The following ANKRD17 variants were observed in gnomAD, a reference collection of about 807,000 sequenced individuals.
ANKRD17 encodes ankyrin repeat domain 17, also known as ankyrin repeat domain-containing protein 17.
In ANKRD17, 19 loss-of-function variants were observed where a neutral mutation model predicts 229.7. The ratio of observed to expected loss-of-function variants is 0.08; its 90% CI spans 0.06 to 0.12. ANKRD17 has a LOEUF of 0.12. Among genes scored for constraint, ANKRD17 ranks in the 10% least tolerant of loss-of-function variants. The pLI is 1.00. For synonymous variants in ANKRD17, 1,112 were observed against 1,146.1 expected (o/e 0.97, Z 0.60); for missense variants, 2,176 against 3,176.8 (o/e 0.68, Z 7.57).
rs376714562 is a variant in ANKRD17, at chr4:73,092,423, TACAA to T, written c.5328-127_5328-124del. 5.8e-4 allele frequency: 439 copies of T among 750,526 alleles called. 3 individuals carry two copies. The highest frequency in any genetic ancestry group is 5.3e-3 in the African/African-American group (297 of 56,448). The allele number at this position is 750,526 out of a possible 1,614,324, so 46.5% of individuals were successfully genotyped here. ...TTTTGTGTGTATATACATACACACATACAAACAAAGGACAGATAACAAAAGCTGG... is the reference window on the plus strand; with the variant it reads ...TTTTGTGTGTATATACATACACACATACAAAGGACAGATAACAAAAGCTGG... On this transcript the variant is annotated intron_variant, in intron 28 of 33. Coordinates refer to ENST00000358602, the MANE Select transcript of ANKRD17 (RefSeq NM_032217.5).
chr4:73,190,189 C>T (rs952702290), intron 1 of ANKRD17, among the ~76,000 whole-genome samples: 4 of 151,814 alleles, frequency 2.6e-5, no homozygotes, highest in South Asian at 2.1e-4. Flanking sequence ...GCTAACATGG[C>T]GAAATCTTGT....
intron 1 of ANKRD17, among the ~76,000 whole-genome samples, chr4:73,191,143 A>G (rs756694277): frequency 1.3e-5 from 2 of 152,176 alleles, no homozygotes; most frequent in Non-Finnish European, 2.9e-5. Context: ...GGGATGCCCT[A>G]CCAGATGTCA....
rs368988558 is a variant in ANKRD17, at chr4:73,146,865, C to T, written c.1768G>A (p.Val590Ile). 1.2e-6 allele frequency: 2 copies of T among 1,611,418 alleles called. No homozygotes were observed. The highest frequency in any genetic ancestry group is 1.7e-6 in the Non-Finnish European group (2 of 1,178,202). The change falls in exon 10 of 34, where the codon GTT becomes ATT. Residue 590 changes from valine (V) to isoleucine (I), a missense_variant. Coordinates refer to ENST00000358602, the MANE Select transcript of ANKRD17 (RefSeq NM_032217.5). ...VKYLLAAGAN[V>I]HATTATGDTA... is the part of the protein sequence containing the mutation. ...TCCCCTGTTGCTGTTGTTGCATGAACGTTAGCTCCTGTAGTAGTCAACAAA... is the reference window on the plus strand; with the variant it reads ...TCCCCTGTTGCTGTTGTTGCATGAATGTTAGCTCCTGTAGTAGTCAACAAA...
Position 73,098,379 on chromosome 4 carries a change from C to T in ANKRD17, c.4715G>A (p.Arg1572Lys). ...GTTTTCTGGAGTAATTTTATTTTTCCTGTTTTTCCTCTTTGAACTGGTTGT... is the reference window on the plus strand; with the variant it reads ...GTTTTCTGGAGTAATTTTATTTTTCTTGTTTTTCCTCTTTGAACTGGTTGT... ...ITTTSSKRKN[R>K]KNKITPENVQ... Residue 1572 changes from arginine (R) to lysine (K), a missense_variant, in exon 26 of 34, where the codon AGG becomes AAG. This residue lies in a region of ANKRD17 where 105 missense variants were observed against 118.3 expected (regional missense o/e 0.89). Coordinates refer to ENST00000358602, the MANE Select transcript of ANKRD17 (RefSeq NM_032217.5). The T allele has an allele frequency of 6.2e-7, 1 of 1,614,148 alleles. No homozygotes were observed. The highest frequency in any genetic ancestry group is 8.5e-7 in the Non-Finnish European group (1 of 1,180,026).
chr4:73,154,257 C>G, intron 5 of ANKRD17, 144 bp from the exon 6 acceptor site: 1 of 374,212 alleles, frequency 2.7e-6, no homozygotes, highest in Non-Finnish European at 4.4e-6. Context: ...AAATATATAT[C>G]TATATATAAA....
At chr4:73,166,758 A>AG (rs1455727467) in intron 2 of ANKRD17, among the ~76,000 whole-genome samples, 1 of 135,614 alleles carries the variant, frequency 7.4e-6, no homozygotes, top group East Asian at 2.0e-4. Context: ...ACAAATAAAT[A>AG]GAAAAAAAAA....
At position 73,144,333 on chromosome 4, in the gene ANKRD17, T is replaced by G. The variant is rs188774312; in HGVS notation, c.1957+412A>C. On this transcript the variant is annotated intron_variant, in intron 11 of 33. Coordinates refer to ENST00000358602, the MANE Select transcript of ANKRD17 (RefSeq NM_032217.5). ...TGTACTATATTTATAACCAGCTCCC[T>G]GTATTTTATAAAAAAGGAAACATAG... Among the ~76,000 whole-genome samples, 13 of 152,322 alleles carry G rather than the reference T, an allele frequency of 8.5e-5. No individual in the cohort carries two copies. The East Asian group carries it at 2.1e-3, about 25-fold the overall frequency.
In ANKRD17 at chr4:73,195,513, A is replaced by AT. The variant is rs1028279452; in HGVS notation, c.394-17981dup. Reference sequence around the variant, plus strand: ...GACTTAAGAGTTTTCTTTGCTGAAGATTTTTTTTTTCTTTGAGACAGAGTC... The same window carrying AT: ...GACTTAAGAGTTTTCTTTGCTGAAGATTTTTTTTTTTCTTTGAGACAGAGTC... On this transcript the variant is annotated intron_variant, in intron 1 of 33. Coordinates refer to ENST00000358602, the MANE Select transcript of ANKRD17 (RefSeq NM_032217.5). Among the ~76,000 whole-genome samples, 20 of 149,690 alleles carry AT rather than the reference A, an allele frequency of 1.3e-4. 1 individual carries two copies. Among genetic ancestry groups the AT allele is most frequent in the Non-Finnish European group, 1.8e-4 (12 of 67,274 alleles).
At chr4:73,139,011 C>T (rs1471618304) in intron 15 of ANKRD17, among the ~76,000 whole-genome samples, 2 of 151,566 alleles carry the variant, frequency 1.3e-5, no homozygotes, top group East Asian at 1.9e-4. Context: ...TAATTAAACC[C>T]TATTTGGTTT....
intron 1 of ANKRD17, among the ~76,000 whole-genome samples, chr4:73,247,583 CAAGA>C (rs1195064888): frequency 6.6e-6 from 1 of 151,824 alleles, no homozygotes; most frequent in East Asian, 1.9e-4. Context: ...CACTCAGTCT[CAAGA>C]AAGAAACAAA....
At chr4:73,171,082 C>G (rs1029348197) in intron 2 of ANKRD17, among the ~76,000 whole-genome samples, 1 of 151,802 alleles carries the variant, frequency 6.6e-6, no homozygotes, top group African/African-American at 2.4e-5. Flanking sequence ...ACCCAGTGCT[C>G]TGCTGGCTTC....
chr4:73,153,299 C>CT (rs5859362), intron 6 of ANKRD17, among the ~76,000 whole-genome samples: 151,701 of 152,176 alleles, frequency 1, 75,616 homozygotes, highest in Middle Eastern at 1. Context: ...AATTGTATGA[C>CT]TTTTTTTAAT....
At chr4:73,108,618 G>A (rs1405574648) in intron 24 of ANKRD17, among the ~76,000 whole-genome samples, 1 of 152,102 alleles carries the variant, frequency 6.6e-6, no homozygotes, top group African/African-American at 2.4e-5. Flanking sequence ...AGATGGAGAG[G>A]AGAAGTAACC....
Position 73,135,235 on chromosome 4 carries a change from T to C in ANKRD17, c.3116A>G (p.Asn1039Ser). Residue 1039 changes from asparagine (N) to serine (S), a missense_variant, in exon 16 of 34, where the codon AAC becomes AGC. Coordinates refer to ENST00000358602, the MANE Select transcript of ANKRD17 (RefSeq NM_032217.5). ...TGCAGCAATACTGTGGGTAGGAGTG[T>C]TTGACATTGCAGATGCTCTTCCACT... ...AVSGRASAMSNTPTHSIAASI... is the reference protein window; with the variant it reads ...AVSGRASAMSSTPTHSIAASI... 1 of 1,612,998 alleles carries C rather than the reference T, an allele frequency of 6.2e-7. No homozygotes were observed. Among genetic ancestry groups the C allele is most frequent in the Non-Finnish European group, 8.5e-7 (1 of 1,179,340 alleles).
intron 16 of ANKRD17, among the ~76,000 whole-genome samples, chr4:73,125,601 T>C (rs1481831883): frequency 6.6e-6 from 1 of 151,806 alleles, no homozygotes; most frequent in Non-Finnish European, 1.5e-5. Context: ...GGTGTGGTGG[T>C]GCGTGCCTGT....
At chr4:73,219,931 A>G (rs1165276298) in intron 1 of ANKRD17, among the ~76,000 whole-genome samples, 3 of 152,106 alleles carry the variant, frequency 2.0e-5, no homozygotes, top group African/African-American at 4.8e-5. Context: ...TATTACTAAG[A>G]CTCCTAAAAC....
intron 1 of ANKRD17, among the ~76,000 whole-genome samples, chr4:73,184,879 T>C (rs574466070): frequency 7.2e-5 from 11 of 152,316 alleles, no homozygotes; most frequent in African/African-American, 2.6e-4. Context: ...TTCAATACTG[T>C]GCTGCGTTCA....
intron 2 of ANKRD17, among the ~76,000 whole-genome samples, chr4:73,164,871 AT>A (rs1733027045): frequency 6.6e-6 from 1 of 150,742 alleles, no homozygotes; most frequent in South Asian, 2.1e-4. Flanking sequence ...CAACAAAACC[AT>A]AGAAATTCAG....
chr4:73,112,535 T>G (rs1334784983), intron 24 of ANKRD17: 1 of 390,740 alleles, frequency 2.6e-6, no homozygotes, highest in Non-Finnish European at 3.5e-6. Flanking sequence ...CACAAATTTT[T>G]AAAAATGAAG....
Sources: allele counts gnomAD v4.1 joint callset (sites outside exome capture counted in the v4.1 genomes callset), GRCh38; gene constraint gnomAD v4.1.1; regional missense constraint gnomAD v4.1.1; transcripts MANE v1.5; gene names NCBI Gene and HGNC (gene_info 2026-07-23, HGNC 2026-07-21).